THSD7A: variants seen among roughly 807,000 people sequenced by gnomAD.
THSD7A encodes the protein thrombospondin type 1 domain containing 7A, also known as thrombospondin type-1 domain-containing protein 7A.
A neutral mutation model predicts 231.3 loss-of-function variants in THSD7A; 96 were observed. That is an observed-to-expected ratio of 0.41 (90% confidence interval 0.35 to 0.49). The LOEUF (loss-of-function observed/expected upper bound fraction) is 0.49. THSD7A is among the 20% of genes least tolerant of loss of function. The pLI, the probability that THSD7A is intolerant of heterozygous loss-of-function variation, is 0.05. For missense variants in THSD7A, 2,290 were observed against 2,070.2 expected, an observed-to-expected ratio of 1.11 and a Z score of -2.06; for synonymous variants, 940 against 743.3, an observed-to-expected ratio of 1.26 and a Z score of -4.30.
At chr7:11,711,465 T>C (rs1780963174) in intron 1 of THSD7A, among the ~76,000 whole-genome samples, 2 of 151,128 alleles carry the variant, frequency 1.3e-5, no homozygotes, top group Non-Finnish European at 3.0e-5. Context: ...ATTAAATTTC[T>C]CTATTCCTAC....
intron 1 of THSD7A, among the ~76,000 whole-genome samples, chr7:11,651,230 G>A (rs1782487856): frequency 6.6e-6 from 1 of 151,994 alleles, no homozygotes; most frequent in Non-Finnish European, 1.5e-5. Context: ...TACCTAGAAT[G>A]GTCAAATTCA....
chr7:11,798,574 G>T (rs975275808), intron 1 of THSD7A, among the ~76,000 whole-genome samples: 8 of 151,746 alleles, frequency 5.3e-5, no homozygotes, highest in Non-Finnish European at 8.8e-5. Context: ...ACAAATTGAG[G>T]ACACCTGTGT....
At chr7:11,716,853 C>T (rs1357413579) in intron 1 of THSD7A, among the ~76,000 whole-genome samples, 3 of 151,572 alleles carry the variant, frequency 2.0e-5, no homozygotes, top group Non-Finnish European at 3.0e-5. Flanking sequence ...ACAGAAAAAG[C>T]GTATGTAATA....
intron 4 of THSD7A, among the ~76,000 whole-genome samples, chr7:11,560,482 T>C (rs1021569012): frequency 6.6e-6 from 1 of 152,206 alleles, no homozygotes; most frequent in Non-Finnish European, 1.5e-5. Context: ...GTGAGAGCCC[T>C]GAAATATCAA....
At chr7:11,496,603 T>A (rs1409975347) in intron 6 of THSD7A, among the ~76,000 whole-genome samples, 3 of 152,160 alleles carry the variant, frequency 2.0e-5, no homozygotes, top group African/African-American at 7.2e-5. Flanking sequence ...CTCAACTATC[T>A]AATGCACTAA....
chr7:11,753,544 TTCTCTCTCTCTC>T (rs35547018), intron 1 of THSD7A, among the ~76,000 whole-genome samples: 3 of 141,826 alleles, frequency 2.1e-5, no homozygotes, highest in South Asian at 2.4e-4. Flanking sequence ...ATGCAGCCCT[TTCTCTCTCTCTC>T]TCTCTCTCTC....
intron 2 of THSD7A, among the ~76,000 whole-genome samples, chr7:11,616,582 T>G (rs1781109215): frequency 6.6e-6 from 1 of 152,206 alleles, no homozygotes; most frequent in Non-Finnish European, 1.5e-5. Flanking sequence ...CTAGCAGCAC[T>G]GACTAAATTG....
intron 1 of THSD7A, among the ~76,000 whole-genome samples, chr7:11,763,551 A>T (rs1782932163): frequency 6.6e-6 from 1 of 152,202 alleles, no homozygotes; most frequent in African/African-American, 2.4e-5. Flanking sequence ...TGTATTTTAC[A>T]TATACCTAAA....
intron 1 of THSD7A, among the ~76,000 whole-genome samples, chr7:11,722,634 AC>A (rs1396560856): frequency 6.6e-6 from 1 of 151,736 alleles, no homozygotes; most frequent in Non-Finnish European, 1.5e-5. Context: ...ATTTGTAAAA[AC>A]CCTAGCCTCT....
chr7:11,471,346 G>T (rs946533332), intron 8 of THSD7A, among the ~76,000 whole-genome samples: 3 of 151,922 alleles, frequency 2.0e-5, no homozygotes, highest in Non-Finnish European at 2.9e-5. Context: ...ATATTTTGTA[G>T]CTCAAGTTTG....
At chr7:11,400,045 G>A (rs13221500) in intron 23 of THSD7A, among the ~76,000 whole-genome samples, 2 of 151,710 alleles carry the variant, frequency 1.3e-5, no homozygotes, top group African/African-American at 2.4e-5. Flanking sequence ...ATCATTCTGA[G>A]CAAACTATGG....
intron 1 of THSD7A, among the ~76,000 whole-genome samples, chr7:11,774,914 G>C (rs1339224648): frequency 6.6e-6 from 1 of 152,142 alleles, no homozygotes; most frequent in Admixed American, 6.5e-5. Flanking sequence ...AATTAGCTGT[G>C]CGTGGTGGCA....
At chr7:11,809,456 C>T (rs1583308284) in intron 1 of THSD7A, among the ~76,000 whole-genome samples, 1 of 152,274 alleles carries the variant, frequency 6.6e-6, no homozygotes, top group Non-Finnish European at 1.5e-5. Flanking sequence ...TTACATTTTA[C>T]TCCTCACAAG....
chr7:11,487,742 A>C (rs1786718996), intron 6 of THSD7A, among the ~76,000 whole-genome samples: 1 of 152,076 alleles, frequency 6.6e-6, no homozygotes, highest in Non-Finnish European at 1.5e-5. Context: ...AAACTACCAG[A>C]TCTCATGAGA....
chr7:11,482,535 T>C (rs1786473895), intron 6 of THSD7A, among the ~76,000 whole-genome samples: 2 of 152,194 alleles, frequency 1.3e-5, no homozygotes, highest in Admixed American at 1.3e-4. Context: ...GAAATGTAAA[T>C]GATGGGATAA....
intron 1 of THSD7A, among the ~76,000 whole-genome samples, chr7:11,684,402 A>AT: frequency 6.6e-6 from 1 of 151,782 alleles, no homozygotes; most frequent in Admixed American, 6.6e-5. Context: ...GGCATGAAAA[A>AT]AAAAAAGACA....
intron 4 of THSD7A, among the ~76,000 whole-genome samples, chr7:11,561,574 G>C (rs1311381222): frequency 2.6e-5 from 4 of 152,146 alleles, no homozygotes; most frequent in African/African-American, 9.7e-5. Context: ...CCACATTTAA[G>C]AATTAAGAAA....
chr7:11,817,081 T>G (rs6460847), intron 1 of THSD7A, among the ~76,000 whole-genome samples: 118,694 of 152,142 alleles, frequency 0.78, 47,271 homozygotes, highest in African/African-American at 0.94. Flanking sequence ...TTCAAGCTGG[T>G]AGACAACATT....
intron 3 of THSD7A, among the ~76,000 whole-genome samples, chr7:11,592,536 A>G (rs1347663973): frequency 6.6e-6 from 1 of 152,232 alleles, no homozygotes; most frequent in Non-Finnish European, 1.5e-5. Flanking sequence ...AATGTTTCAG[A>G]ATGAGTCTTA....
Sources: allele counts gnomAD v4.1 joint callset (sites outside exome capture counted in the v4.1 genomes callset), GRCh38; gene constraint gnomAD v4.1.1; transcripts MANE v1.5; gene names NCBI Gene and HGNC (gene_info 2026-07-23, HGNC 2026-07-21).